ZNF468: variants seen among roughly 807,000 people sequenced by gnomAD.
ZNF468 encodes the protein zinc finger protein ZNF468.
A neutral mutation model predicts 7.2 loss-of-function variants in ZNF468; 8 were observed. The ratio of observed to expected loss-of-function variants is 1.11; its 90% CI spans 0.65 to 2.01. The LOEUF (loss-of-function observed/expected upper bound fraction) is 2.01, where lower values mean the gene tolerates loss of function less well. Among genes scored for constraint, ZNF468 ranks in the 30% most tolerant of loss-of-function variants. The probability of loss-of-function intolerance (pLI) is 0.00; values close to 1 mark genes in which losing one functional copy is unlikely to be tolerated. For synonymous variants in ZNF468, 218 were observed against 214.4 expected (o/e 1.02, Z -0.15); for missense variants, 608 against 626.5 (o/e 0.97, Z 0.31).
At chr19:52,847,742 G>A (rs529274916) in intron 3 of ZNF468, among the ~76,000 whole-genome samples, 11 of 150,644 alleles carry the variant, frequency 7.3e-5, no homozygotes, top group African/African-American at 2.4e-4. Flanking sequence ...TCCAGACACA[G>A]TACCTTTCCT....
chr19:52,847,454 C>G (rs7252334), intron 3 of ZNF468, among the ~76,000 whole-genome samples: 39,819 of 143,840 alleles, frequency 0.28, 8,267 homozygotes, highest in African/African-American at 0.45. Context: ...TTACATCCCC[C>G]CGCCTGACAC....
chr19:52,840,772 A>G lies in ZNF468; in HGVS notation c.1522T>C (p.Ser508Pro), dbSNP rs2063288368. 2.5e-6 allele frequency: 4 copies of G among 1,613,474 alleles called. No individual in the cohort carries two copies. Among genetic ancestry groups the G allele is most frequent in the South Asian group, 1.1e-5 (1 of 91,042 alleles). Reference sequence around the variant, plus strand: ...AGCCTATGATGGTATACAAGGGATGACATCTGACTGAAGGTCTTGCCACAC... The same window carrying G: ...AGCCTATGATGGTATACAAGGGATGGCATCTGACTGAAGGTCTTGCCACAC... The part of the protein sequence containing the change: ...NECGKTFSQM[S>P]SLVYHHRLHS... Residue 508 changes from serine (S) to proline (P), a missense_variant, in exon 4 of 4, where the codon TCA becomes CCA. Coordinates refer to ENST00000595646, the MANE Select transcript of ZNF468 (RefSeq NM_001008801.2).
At chr19:52,853,180 C>T (rs930204727) in intron 2 of ZNF468, among the ~76,000 whole-genome samples, 7 of 151,956 alleles carry the variant, frequency 4.6e-5, no homozygotes, top group Admixed American at 1.3e-4. Flanking sequence ...AGTCTCATAA[C>T]GATGCAGAAA....
intron 3 of ZNF468, among the ~76,000 whole-genome samples, chr19:52,845,853 A>G (rs541711555): frequency 8.4e-4 from 128 of 152,090 alleles, no homozygotes; most frequent in African/African-American, 2.8e-3. Context: ...AAAACACAAA[A>G]TTAGATGGCT....
chr19:52,856,226 GA>G (rs35378679), intron 1 of ZNF468, among the ~76,000 whole-genome samples: 8,619 of 149,298 alleles, frequency 0.058, 343 homozygotes, highest in African/African-American at 0.2. Flanking sequence ...TTTCAATCAA[GA>G]AATACATGGG....
chr19:52,853,958 TG>T, intron 2 of ZNF468: 1 of 1,427,664 alleles, frequency 7.0e-7, no homozygotes, highest in South Asian at 1.6e-5. Flanking sequence ...CATCCAGATG[TG>T]GCCCCTGAAC....
At chr19:52,853,715 G>A (rs915902574) in intron 2 of ZNF468, among the ~76,000 whole-genome samples, 3 of 151,176 alleles carry the variant, frequency 2.0e-5, no homozygotes, top group African/African-American at 7.3e-5. Context: ...ATGAAGGAAT[G>A]ATTCATGAAT....
rs547695903 is a variant in ZNF468, at chr19:52,846,802, G to C, written c.142+2285C>G. On this transcript the variant is annotated intron_variant, in intron 3 of 3. Coordinates refer to ENST00000595646, the MANE Select transcript of ZNF468 (RefSeq NM_001008801.2). ...GGATCACTTGAGATGAGGAGTTTGA[G>C]ACCAGCCTGACCAACATGGTGAAAC... is the stretch of plus-strand genomic sequence containing the variant. Among the ~76,000 whole-genome samples, 17 of 152,236 alleles carry C rather than the reference G, an allele frequency of 1.1e-4. 1 individual carries two copies. Among genetic ancestry groups the C allele is most frequent in the Middle Eastern group, 3.4e-3 (1 of 294 alleles).
At chr19:52,843,229 A>G (rs1021539898) in intron 3 of ZNF468, among the ~76,000 whole-genome samples, 2 of 151,834 alleles carry the variant, frequency 1.3e-5, no homozygotes, top group Non-Finnish European at 2.9e-5. Context: ...TTTTTAAAAA[A>G]TTTTTTGTAT....
At chr19:52,857,303 A>C (rs902541426) in intron 1 of ZNF468, among the ~76,000 whole-genome samples, 1 of 152,196 alleles carries the variant, frequency 6.6e-6, no homozygotes, top group African/African-American at 2.4e-5. Context: ...GTGCGGAAGG[A>C]GTCAAAAAAC....
intron 3 of ZNF468, among the ~76,000 whole-genome samples, chr19:52,846,991 ACT>A (rs2063346039): frequency 2.0e-5 from 3 of 149,756 alleles, no homozygotes; most frequent in Non-Finnish European, 4.4e-5. Flanking sequence ...ACAGAGTGAG[ACT>A]CTGTCATAAA....
At position 52,840,319 on chromosome 19, in the gene ZNF468, G is replaced by T; in HGVS notation, c.*406C>A. The stretch of plus-strand genomic sequence containing the variant: ...TTCTCTCCACTATGAATTACAAGGT[G>T]TGAATTTTGACCTTTTAATTACAAG... On this transcript the variant is annotated 3_prime_UTR_variant, in exon 4 of 4. Transcript: ENST00000595646. 2.3e-6 allele frequency: 1 copy of T among 425,972 alleles called. No homozygotes were observed. Among genetic ancestry groups the T allele is most frequent in the Admixed American group, 3.6e-5 (1 of 27,884 alleles). 26.4% of individuals were successfully genotyped at this position (425,972 alleles called of 1,614,324 possible).
chr19:52,842,182 AT>A, intron 3 of ZNF468, 31 bp from the exon 4 acceptor site: 1 of 1,534,646 alleles, frequency 6.5e-7, no homozygotes, highest in East Asian at 2.3e-5. Context: ...TAGGTTTCCA[AT>A]TAAGTACAGA....
chr19:52,851,268 T>C (rs557360813), intron 2 of ZNF468, among the ~76,000 whole-genome samples: 5 of 149,242 alleles, frequency 3.4e-5, no homozygotes, highest in Admixed American at 3.3e-4. Flanking sequence ...TGAGAATTTG[T>C]CTCAAAAAGA....
At chr19:52,848,050 T>G (rs1241900106) in intron 3 of ZNF468, among the ~76,000 whole-genome samples, 1 of 152,198 alleles carries the variant, frequency 6.6e-6, no homozygotes, top group Non-Finnish European at 1.5e-5. Flanking sequence ...TTCAGAAAGA[T>G]GTCCATTCAG....
intron 2 of ZNF468, among the ~76,000 whole-genome samples, chr19:52,850,579 C>A (rs538082096): frequency 1.3e-5 from 2 of 151,242 alleles, no homozygotes; most frequent in African/African-American, 4.9e-5. Flanking sequence ...GAGGGTGGAG[C>A]GGGGAGGAAG....
At chr19:52,843,749 G>A (rs1431188556) in intron 3 of ZNF468, among the ~76,000 whole-genome samples, 1 of 152,128 alleles carries the variant, frequency 6.6e-6, no homozygotes, top group East Asian at 1.9e-4. Flanking sequence ...AGCACACAGT[G>A]TAAGAACTGA....
rs745539903 is a variant in ZNF468 at position 52,841,152 on chromosome 19, T to C, written c.1142A>G (p.Lys381Arg). Residue 381 changes from lysine (K) to arginine (R), a missense_variant, in exon 4 of 4, where the codon AAA (lysine) becomes AGA (arginine). By Grantham distance (26) the Lys-to-Arg change is conservative. Transcript: ENST00000595646. ...GTCACACTCTTCACATTTGTAAGGT[T>C]TCTCTCCAGTATGAAGTCTATGATG... ...ARHHRLHTGE[K>R]PYKCEECDKV... 1.2e-6 allele frequency: 2 copies of C among 1,613,490 alleles called. No homozygotes were observed. Among genetic ancestry groups the C allele is most frequent in the Non-Finnish European group, 1.7e-6 (2 of 1,179,550 alleles).
intron 3 of ZNF468, among the ~76,000 whole-genome samples, chr19:52,843,120 CAA>C (rs11356842): frequency 0.03 from 2,086 of 68,624 alleles, 34 homozygotes; most frequent in African/African-American, 0.093. Context: ...GACTCTGTCT[CAA>C]AAAAAAAAAA....
Sources: allele counts gnomAD v4.1 joint callset (sites outside exome capture counted in the v4.1 genomes callset), GRCh38; gene constraint gnomAD v4.1.1; transcripts MANE v1.5; gene names NCBI Gene and HGNC (gene_info 2026-07-23, HGNC 2026-07-21).